The following STPG2 variants were observed in gnomAD, a reference collection of about 807,000 sequenced individuals.
The protein encoded by STPG2 is sperm-tail PG-rich repeat-containing protein 2.
STPG2 carries 56 observed loss-of-function variants against 54.2 expected under a neutral mutation model. That is an observed-to-expected ratio of 1.03 (90% CI 0.83 to 1.29). The LOEUF (loss-of-function observed/expected upper bound fraction) is 1.29. Ranked by LOEUF, STPG2 falls within the 50% of genes most tolerant of loss-of-function variation. The probability of loss-of-function intolerance (pLI) is 0.00; values close to 1 mark genes in which losing one functional copy is unlikely to be tolerated. For synonymous variants in STPG2, 200 were observed against 181.8 expected, an observed-to-expected ratio of 1.10 and a Z score of -0.81; for missense variants, 596 against 544.9, an observed-to-expected ratio of 1.09 and a Z score of -0.93.
chr4:97,639,261 G>A (rs188513169), intron 10 of STPG2, among the ~76,000 whole-genome samples: 2,678 of 151,372 alleles, frequency 0.018, 77 homozygotes, highest in African/African-American at 0.061. Context: ...CCCGAACACC[G>A]CATATTCTCA....
intron 10 of STPG2, among the ~76,000 whole-genome samples, chr4:97,600,134 G>A (rs1733420601): frequency 6.6e-6 from 1 of 152,116 alleles, no homozygotes; most frequent in Non-Finnish European, 1.5e-5. Flanking sequence ...CTGTCTATCA[G>A]ATAATATGCT....
At chr4:97,511,406 G>A (rs757644846) in intron 4 of STPG2, among the ~76,000 whole-genome samples, 3 of 151,928 alleles carry the variant, frequency 2.0e-5, no homozygotes, top group Non-Finnish European at 4.4e-5. Flanking sequence ...CAATAAGAAA[G>A]TAAAACAATC....
At chr4:97,734,245 T>A (rs1375839674) in intron 9 of STPG2, among the ~76,000 whole-genome samples, 1 of 148,950 alleles carries the variant, frequency 6.7e-6, no homozygotes, top group Non-Finnish European at 1.5e-5. Flanking sequence ...ATAGGCTTTA[T>A]TTTTTATCAC....
intron 9 of STPG2, among the ~76,000 whole-genome samples, chr4:97,723,896 C>A (rs1358872235): frequency 6.6e-6 from 1 of 152,166 alleles, no homozygotes. Context: ...CCAATCACCT[C>A]CAACCAGGTC....
intron 9 of STPG2, among the ~76,000 whole-genome samples, chr4:97,796,121 T>C (rs1727166953): frequency 6.6e-6 from 1 of 152,210 alleles, no homozygotes; most frequent in African/African-American, 2.4e-5. Flanking sequence ...GATGAATAGA[T>C]TGCAAAAATT....
Position 97,623,641 on chromosome 4 carries a change from T to G in STPG2, c.1321-64524A>C, listed in dbSNP as rs575192539. Among the ~76,000 whole-genome samples the G allele has an allele frequency of 5.3e-5, 8 of 152,170 alleles. 1 individual carries two copies. Among genetic ancestry groups the G allele is most frequent in the Admixed American group, 3.9e-4 (6 of 15,268 alleles). ...GAAAAAATTTTTAAAAAATTTCACT[T>G]TATTTTAAGTTGCAGGATACATGTG... is the stretch of plus-strand genomic sequence containing the variant. On this transcript the variant is annotated intron_variant, in intron 10 of 10. Coordinates refer to ENST00000295268, the MANE Select transcript of STPG2 (RefSeq NM_174952.3).
intron 9 of STPG2, among the ~76,000 whole-genome samples, chr4:97,742,481 G>A (rs373585461): frequency 6.7e-6 from 1 of 150,136 alleles, no homozygotes; most frequent in African/African-American, 2.4e-5. Context: ...CAAGATATGG[G>A]AACAACCTAA....
At chr4:97,986,234 C>T (rs991791513) in intron 5 of STPG2, among the ~76,000 whole-genome samples, 1 of 152,060 alleles carries the variant, frequency 6.6e-6, no homozygotes, top group African/African-American at 2.4e-5. Context: ...AATATTCTTC[C>T]CAAGTTAAAT....
chr4:97,801,618 A>G (rs1230368974), intron 9 of STPG2, among the ~76,000 whole-genome samples: 1 of 152,158 alleles, frequency 6.6e-6, no homozygotes, highest in Non-Finnish European at 1.5e-5. Context: ...ATTATAGCAG[A>G]AAGTAGCTCA....
intron 9 of STPG2, among the ~76,000 whole-genome samples, chr4:97,750,866 A>C (rs980220216): frequency 6.6e-6 from 1 of 151,852 alleles, no homozygotes; most frequent in Non-Finnish European, 1.5e-5. Context: ...GCAAACCCTA[A>C]GCATGGTGCT....
chr4:97,824,681 T>C (rs1447439690), intron 9 of STPG2, among the ~76,000 whole-genome samples: 1 of 152,140 alleles, frequency 6.6e-6, no homozygotes, highest in Non-Finnish European at 1.5e-5. Flanking sequence ...TGGGGGTTCA[T>C]GAAATAGTCA....
At chr4:97,779,450 T>A (rs1726519900) in intron 9 of STPG2, among the ~76,000 whole-genome samples, 1 of 150,094 alleles carries the variant, frequency 6.7e-6, no homozygotes, top group African/African-American at 2.5e-5. Context: ...CAAATCTATA[T>A]CTGATCGGTG....
intron 9 of STPG2, among the ~76,000 whole-genome samples, chr4:97,789,014 C>A (rs1434801244): frequency 6.7e-6 from 1 of 149,952 alleles, no homozygotes; most frequent in East Asian, 1.9e-4. Context: ...CTTTTTTTTT[C>A]TTTTCTAATA....
At chr4:98,050,984 G>A (rs1251485462) in intron 5 of STPG2, among the ~76,000 whole-genome samples, 1 of 150,168 alleles carries the variant, frequency 6.7e-6, no homozygotes, top group African/African-American at 2.5e-5. Flanking sequence ...CAGCCTGGGC[G>A]ACACAGAGAG....
intron 10 of STPG2, among the ~76,000 whole-genome samples, chr4:97,571,010 C>A (rs1190148512): frequency 6.6e-6 from 1 of 152,032 alleles, no homozygotes; most frequent in Non-Finnish European, 1.5e-5. Flanking sequence ...AAACTTTCTA[C>A]TTTTGTTGCC....
intron 5 of STPG2, among the ~76,000 whole-genome samples, chr4:98,054,876 C>A (rs1033779740): frequency 1.3e-5 from 2 of 152,096 alleles, no homozygotes; most frequent in Non-Finnish European, 2.9e-5. Context: ...GTCTTATAGT[C>A]AAAAACCTCT....
intron 10 of STPG2, among the ~76,000 whole-genome samples, chr4:97,629,000 T>C (rs1721153906): frequency 6.6e-6 from 1 of 152,038 alleles, no homozygotes. Flanking sequence ...CAGCTTGATA[T>C]TTAAATCTTT....
chr4:98,127,104 A>G (rs1739853763), intron 3 of STPG2, among the ~76,000 whole-genome samples: 1 of 151,964 alleles, frequency 6.6e-6, no homozygotes, highest in Non-Finnish European at 1.5e-5. Flanking sequence ...ATATATTATT[A>G]TTCATATATG....
intron 5 of STPG2, among the ~76,000 whole-genome samples, chr4:98,066,599 T>C (rs1004143026): frequency 6.7e-6 from 1 of 149,726 alleles, no homozygotes; most frequent in South Asian, 2.1e-4. Context: ...TAAAAAAAAA[T>C]AAAATAAAAA....
Sources: gnomAD v4.1 joint callset for allele counts (sites outside exome capture counted in the v4.1 genomes callset) on GRCh38, gnomAD v4.1.1 for gene constraint, MANE v1.5 for transcripts, NCBI Gene and HGNC (gene_info 2026-07-23, HGNC 2026-07-21) for gene names.